The following GRM4 variants were observed in gnomAD, a reference collection of about 807,000 sequenced individuals.
GRM4 encodes the protein metabotropic glutamate receptor 4.
GRM4 carries 28 observed loss-of-function variants against 81.7 expected under a neutral mutation model. That is an observed-to-expected ratio of 0.34 (90% CI 0.25 to 0.47). The LOEUF (loss-of-function observed/expected upper bound fraction) is 0.47, where lower values mean the gene tolerates loss of function less well. GRM4 is among the 20% of genes least tolerant of loss of function. The pLI is 1.00. For missense variants in GRM4, 948 were observed against 1,290.0 expected, an observed-to-expected ratio of 0.73 and a Z score of 4.06; for synonymous variants, 488 against 528.8, an observed-to-expected ratio of 0.92 and a Z score of 1.06.
chr6:34,128,820 CA>C (rs1009577362), intron 2 of GRM4, among the ~76,000 whole-genome samples: 15 of 152,166 alleles, frequency 9.9e-5, no homozygotes, highest in African/African-American at 3.4e-4. Context: ...CTCCAGAGTC[CA>C]AATGCTTACC....
At chr6:34,145,167 C>G (rs1241776761) in intron 1 of GRM4, among the ~76,000 whole-genome samples, 2 of 151,872 alleles carry the variant, frequency 1.3e-5, no homozygotes, top group African/African-American at 4.8e-5. Context: ...AGTCGACGGC[C>G]GGAGGCACGG....
intron 2 of GRM4, among the ~76,000 whole-genome samples, chr6:34,107,783 G>C (rs936625793): frequency 1.3e-5 from 2 of 152,190 alleles, no homozygotes; most frequent in Non-Finnish European, 1.5e-5. Context: ...ACCCACGGGA[G>C]GCCACTGCAA....
intron 2 of GRM4, among the ~76,000 whole-genome samples, chr6:34,098,850 A>G (rs918390088): frequency 2.0e-5 from 3 of 152,056 alleles, no homozygotes; most frequent in Non-Finnish European, 4.4e-5. Flanking sequence ...CCTCCCCTAC[A>G]GCGCCTTAGC....
Position 34,056,581 on chromosome 6 carries a change from G to A in GRM4, c.1131C>T (p.His377=), listed in dbSNP as rs747317386. Residue 377 remains histidine (H), a synonymous_variant, in exon 6 of 11, where the codon CAC becomes CAT. Coordinates refer to ENST00000538487, the MANE Select transcript of GRM4 (RefSeq NM_000841.4). ...EDNFHCKLSR[H]ALKKGSHVKK... ...TGACGTGGCTGCCCTTCTTGAGGGC[G>A]TGGCGGCTCAGCTTGCAGTGGAAGT... 4.3e-6 allele frequency: 7 copies of A among 1,613,370 alleles called. 1 individual carries two copies. The South Asian group carries it at 6.6e-5, about 15-fold the overall frequency.
chr6:34,061,882 C>G lies in GRM4; in HGVS notation c.872+11G>C. ...GCTCCCGGTGCCCACCCTGCTGCCACCTGCCCTCACCTGATGTCATCCTCG... is the reference window on the plus strand; with the variant it reads ...GCTCCCGGTGCCCACCCTGCTGCCAGCTGCCCTCACCTGATGTCATCCTCG... On this transcript the variant is annotated intron_variant, in intron 4 of 10. Transcript: ENST00000538487. 1.2e-6 allele frequency: 2 copies of G among 1,607,126 alleles called. No homozygotes were observed. The highest frequency in any genetic ancestry group is 1.7e-6 in the Non-Finnish European group (2 of 1,174,650).
At position 34,130,621 on chromosome 6, in the gene GRM4, A is replaced by C. The variant is rs1330914302; in HGVS notation, c.519+2357T>G. 6.6e-6 allele frequency among the ~76,000 whole-genome samples: 1 copy of C among 152,176 alleles called. No homozygotes were observed. The highest frequency in any genetic ancestry group is 2.4e-5 in the African/African-American group (1 of 41,434). On this transcript the variant is annotated intron_variant, in intron 2 of 10. Coordinates refer to ENST00000538487, the MANE Select transcript of GRM4 (RefSeq NM_000841.4). The surrounding 1 kb of genome is among the most constrained non-coding windows in gnomAD (Gnocchi z 4.1). ...TCTGGGGCACTGAGCGTCTCATCTC[A>C]AAATATCTATGTTCCCAAGAACACA...
At chr6:34,043,292 G>T (rs1242626895) in intron 6 of GRM4, among the ~76,000 whole-genome samples, 1 of 152,132 alleles carries the variant, frequency 6.6e-6, no homozygotes, top group Non-Finnish European at 1.5e-5. Flanking sequence ...CTTGTCCAAG[G>T]CCTCTGATCA....
Position 34,040,567 on chromosome 6 carries a change from G to A in GRM4, c.1350C>T (p.Ile450=), listed in dbSNP as rs1218981364. The change falls in exon 7 of 11, where the codon ATC becomes ATT. Residue 450 remains isoleucine, a synonymous_variant. Coordinates refer to ENST00000538487, the MANE Select transcript of GRM4 (RefSeq NM_000841.4). ...PVDGTQLLKY[I]RNVNFSGIAG... is the part of the protein sequence containing the mutation. ...CCCCACCTGAGAAGTTGACGTTTCG[G>A]ATGTACTTAAGCAGCTGGGTGCCAT... The A allele has an allele frequency of 1.9e-6, 3 of 1,613,540 alleles. No individual in the cohort carries two copies. The Admixed American group carries it at 5.0e-5, about 27-fold the overall frequency.
At chr6:34,058,141 G>C (rs920015788) in intron 5 of GRM4, among the ~76,000 whole-genome samples, 5 of 152,184 alleles carry the variant, frequency 3.3e-5, no homozygotes, top group Non-Finnish European at 4.4e-5. Context: ...ACAGGCATGG[G>C]CCTGGGGGAT....
Position 34,021,274 on chromosome 6 carries a change from A to G in GRM4, c.*1547T>C, listed in dbSNP as rs1252919544. 1.3e-5 allele frequency: 2 copies of G among 152,436 alleles called. No individual in the cohort carries two copies. The highest frequency in any genetic ancestry group is 4.8e-5 in the African/African-American group (2 of 41,442). The allele number at this position is 152,436 out of a possible 1,614,324, so 9.4% of individuals were successfully genotyped here. A position where few individuals can be genotyped will look rare whatever the true frequency, so the allele number is the denominator to read the frequency against. ...CACAGACACACAGCCAACACAGCCA[A>G]CACAGCCACACGGCCATGCCTGTGC... On this transcript the variant is annotated 3_prime_UTR_variant, in exon 11 of 11. Coordinates refer to ENST00000538487, the MANE Select transcript of GRM4 (RefSeq NM_000841.4). The surrounding 1 kb of genome is among the most constrained non-coding windows in gnomAD (Gnocchi z 5.3).
At chr6:34,082,272 AAAATAAAT>A (rs905621004) in intron 3 of GRM4, among the ~76,000 whole-genome samples, 3 of 152,212 alleles carry the variant, frequency 2.0e-5, no homozygotes, top group Non-Finnish European at 4.4e-5. Flanking sequence ...CAAATATATC[AAAATAAAT>A]AAATAAATAA....
intron 2 of GRM4, among the ~76,000 whole-genome samples, chr6:34,125,834 G>A (rs956626365): frequency 6.6e-5 from 10 of 152,208 alleles, no homozygotes; most frequent in African/African-American, 2.2e-4. Context: ...TATCTCGGCA[G>A]GGGGCTTCTC....
chr6:34,101,946 A>C, intron 2 of GRM4: 21 of 1,382,950 alleles, frequency 1.5e-5, no homozygotes, highest in Non-Finnish European at 2.0e-5. Flanking sequence ...GGCCAGGGGT[A>C]TGGCCAGGAC....
chr6:34,096,995 G>A (rs1214097314), intron 2 of GRM4, among the ~76,000 whole-genome samples: 2 of 152,078 alleles, frequency 1.3e-5, no homozygotes, highest in African/African-American at 2.4e-5. Context: ...TGAGCACATG[G>A]GTGCCCCGCA....
intron 3 of GRM4, among the ~76,000 whole-genome samples, chr6:34,067,231 T>C (rs1364016445): frequency 6.6e-6 from 1 of 152,196 alleles, no homozygotes; most frequent in Admixed American, 6.5e-5. Flanking sequence ...CCATCTGTGG[T>C]CTGGTGACCT....
At chr6:34,122,620 G>GT (rs1425635416) in intron 2 of GRM4, among the ~76,000 whole-genome samples, 1 of 144,448 alleles carries the variant, frequency 6.9e-6, no homozygotes, top group African/African-American at 2.5e-5. Flanking sequence ...TGGGCGGGGG[G>GT]TGGGGGGGGC....
chr6:34,084,651 G>A (rs550310913), intron 3 of GRM4, among the ~76,000 whole-genome samples: 60 of 152,298 alleles, frequency 3.9e-4, no homozygotes, highest in African/African-American at 1.1e-3. Flanking sequence ...TTCAACATGC[G>A]GCATTGGCCT....
intron 2 of GRM4, among the ~76,000 whole-genome samples, chr6:34,096,892 A>G (rs1581691326): frequency 6.6e-6 from 1 of 152,004 alleles, no homozygotes; most frequent in African/African-American, 2.4e-5. Context: ...AGCAACAATG[A>G]AGATGGATTC....
chr6:34,126,838 T>C (rs1457687045), intron 2 of GRM4, among the ~76,000 whole-genome samples: 2 of 152,190 alleles, frequency 1.3e-5, no homozygotes, highest in African/African-American at 2.4e-5. Flanking sequence ...GGGAGTTCTA[T>C]GGGTGGGGCG....
Sources: allele counts gnomAD v4.1 joint callset (sites outside exome capture counted in the v4.1 genomes callset), GRCh38; gene constraint gnomAD v4.1.1; non-coding constraint Gnocchi (gnomAD v3.1); transcripts MANE v1.5; gene names NCBI Gene and HGNC (gene_info 2026-07-23, HGNC 2026-07-21).